The following GIT2 variants were observed in gnomAD, a reference collection of about 807,000 sequenced individuals.
The protein encoded by GIT2 is GIT ArfGAP 2.
In GIT2, 32 loss-of-function variants were observed where a neutral mutation model predicts 100.3. The observed-to-expected ratio is 0.32, with a 90% CI of 0.24 to 0.43. The LOEUF is 0.43. GIT2 is among the 20% of genes least tolerant of loss of function. The pLI is 1.00. For missense variants in GIT2, 737 were observed against 975.1 expected (o/e 0.76, Z 3.25); for synonymous variants, 353 against 364.1 (o/e 0.97, Z 0.35).
At chr12:109,957,009 C>T (rs1372196658) in intron 12 of GIT2, among the ~76,000 whole-genome samples, 4 of 148,964 alleles carry the variant, frequency 2.7e-5, no homozygotes, top group Admixed American at 2.0e-4. Flanking sequence ...CAGAGTGAGA[C>T]TCGTCTCAAA....
chr12:109,996,111 C>A, intron 1 of GIT2, 62 bp downstream of exon 1: 1 of 1,087,538 alleles, frequency 9.2e-7, no homozygotes, highest in East Asian at 3.1e-5. Context: ...GAGGGGGCGG[C>A]CCCGGGGTAG....
At chr12:109,997,951 C>T (rs1174703878), upstream of GIT2, 9 of 152,202 alleles carry the variant, frequency 5.9e-5, no homozygotes, top group Admixed American at 5.9e-4. Context: ...CTATGATCTC[C>T]ATTCAGCAAA....
rs1365470353 is a variant in GIT2, at chr12:109,961,679, T to C, written c.823A>G (p.Asn275Asp). 2 of 1,580,726 alleles carry C rather than the reference T, an allele frequency of 1.3e-6. No individual in the cohort carries two copies. Among genetic ancestry groups the C allele is most frequent in the South Asian group, 1.1e-5 (1 of 90,416 alleles). ...ATGGCAAGTTCTTCAAACAAATGAT[T>C]ACTTAGCTGAAAATAAAAAATATCA... ...AAKKKLQSLS[N>D]HLFEELAMDV... Residue 275 changes from asparagine to aspartate, a missense_variant, in exon 10 of 20, where the codon AAT becomes GAT. Physicochemically the swap from Asn to Asp is conservative, Grantham distance 23 (BLOSUM62 1). Around this residue, in one of 3 missense-constraint regions of GIT2, gnomAD observed 266 missense variants for 376.2 expected, o/e 0.71. Transcript: ENST00000355312.
At chr12:109,965,054 A>G (rs1881989792) in intron 9 of GIT2, among the ~76,000 whole-genome samples, 2 of 152,244 alleles carry the variant, frequency 1.3e-5, no homozygotes, top group South Asian at 4.1e-4. Flanking sequence ...AAATTTAAAA[A>G]GCACTGATGA....
chr12:109,963,860 C>G (rs2136431032), intron 9 of GIT2, among the ~76,000 whole-genome samples: 1 of 152,282 alleles, frequency 6.6e-6, no homozygotes, highest in Non-Finnish European at 1.5e-5. Flanking sequence ...GCAGCCCCTG[C>G]AGGATCCTTA....
chr12:109,958,849 A>G (rs539128469), intron 12 of GIT2, among the ~76,000 whole-genome samples: 3 of 152,352 alleles, frequency 2.0e-5, no homozygotes, highest in Non-Finnish European at 4.4e-5. Context: ...GAGGAAGGAC[A>G]TTCCTAAGCA....
intron 4 of GIT2, among the ~76,000 whole-genome samples, chr12:109,988,458 C>T (rs1199771400): frequency 6.6e-6 from 1 of 151,964 alleles, no homozygotes. Context: ...GGAAGGATTG[C>T]TAGAGCCTGG....
At chr12:109,964,715 G>C (rs1593051231) in intron 9 of GIT2, among the ~76,000 whole-genome samples, 1 of 151,162 alleles carries the variant, frequency 6.6e-6, no homozygotes, top group Admixed American at 6.6e-5. Context: ...TGAAAGGTGA[G>C]AGCTGAATGA....
chr12:109,978,818 C>T (rs918261503), intron 7 of GIT2, among the ~76,000 whole-genome samples: 7 of 152,174 alleles, frequency 4.6e-5, no homozygotes, highest in African/African-American at 7.2e-5. Context: ...TGTCTGATAA[C>T]GCCAACATTT....
intron 7 of GIT2, among the ~76,000 whole-genome samples, chr12:109,976,125 C>CACACACACAA (rs1884985621): frequency 6.6e-6 from 1 of 151,118 alleles, no homozygotes; most frequent in African/African-American, 2.4e-5. Flanking sequence ...CACACACAAA[C>CACACACACAA]ACACACACAC....
intron 6 of GIT2, chr12:109,982,372 T>C (rs1043556734): frequency 1.3e-5 from 2 of 152,234 alleles, no homozygotes; most frequent in African/African-American, 4.8e-5. Context: ...GAATCCCATA[T>C]GGTCTTGCCT....
chr12:109,974,456 G>T (rs1009450029), intron 7 of GIT2, among the ~76,000 whole-genome samples: 27 of 152,058 alleles, frequency 1.8e-4, no homozygotes, highest in African/African-American at 6.5e-4. Flanking sequence ...AACCCAGGAG[G>T]CAGAGGTTGC....
rs982342846 is a variant in GIT2, at chr12:109,989,920, C to A, written c.187-118G>T. ...ATAAACACTCATTTGTTAGGAATAT[C>A]ATTCATATCATTGTTTTCTGATTTG... On this transcript the variant is annotated intron_variant, in intron 2 of 19. Coordinates refer to ENST00000355312, the MANE Select transcript of GIT2 (RefSeq NM_057169.5). 13 of 668,978 alleles carry A rather than the reference C, an allele frequency of 1.9e-5. No homozygotes were observed. In the Admixed American group the frequency reaches 2.7e-4, roughly 14 times the overall value. The allele number at this position is 668,978 out of a possible 1,614,324, so 41.4% of individuals were successfully genotyped here. A position where few individuals can be genotyped will look rare whatever the true frequency, so the allele number is the denominator to read the frequency against.
At chr12:109,960,793 C>T (rs1880866701) in intron 11 of GIT2, among the ~76,000 whole-genome samples, 1 of 152,112 alleles carries the variant, frequency 6.6e-6, no homozygotes, top group African/African-American at 2.4e-5. Flanking sequence ...TTTATTAGAG[C>T]ATATTCTCAA....
At chr12:109,961,501 G>A (rs548309440) in intron 10 of GIT2, 112 bp downstream of exon 10, 61 of 931,514 alleles carry the variant, frequency 6.5e-5, no homozygotes, top group South Asian at 1.2e-4. Context: ...GGCAAACGTC[G>A]ACACTCGCAC....
Position 109,948,217 on chromosome 12 carries a change from T to G in GIT2, c.1393-713A>C, listed in dbSNP as rs1876866381. 1 of 985,496 alleles carries G rather than the reference T, an allele frequency of 1.0e-6. No individual in the cohort carries two copies. Among genetic ancestry groups the G allele is most frequent in the Admixed American group, 6.1e-5 (1 of 16,306 alleles). 61.0% of individuals were successfully genotyped at this position (985,496 alleles called of 1,614,324 possible). A position where few individuals can be genotyped will look rare whatever the true frequency, so the allele number is the denominator to read the frequency against. ...ACTGGAAACCTATTGATCTATGGAA[T>G]TGACATCTTCGCATGGATGCTCCAC... is the stretch of plus-strand genomic sequence containing the variant. On this transcript the variant is annotated intron_variant, in intron 14 of 19. Transcript: ENST00000355312. The surrounding 1 kb of genome is among the most constrained non-coding windows in gnomAD (Gnocchi z 4.3).
rs187524636 is a variant in GIT2 at position 109,991,808 on chromosome 12, A to G, written c.53-48T>C. Reference sequence around the variant, plus strand: ...GTGGCAGGGATACCAGCAGGTTGCTATACCGCCAGATGGCAAAAGATGACT... The same window carrying G: ...GTGGCAGGGATACCAGCAGGTTGCTGTACCGCCAGATGGCAAAAGATGACT... On this transcript the variant is annotated intron_variant, in intron 1 of 19. Coordinates refer to ENST00000355312, the MANE Select transcript of GIT2 (RefSeq NM_057169.5). The G allele has an allele frequency of 1.5e-4, 226 of 1,543,448 alleles. 2 individuals carry two copies. The East Asian group carries it at 5.0e-3, about 34-fold the overall frequency.
intron 11 of GIT2, 91 bp downstream of exon 11, chr12:109,961,187 T>C: frequency 1.4e-6 from 1 of 739,670 alleles, no homozygotes; most frequent in Non-Finnish European, 2.4e-6. Context: ...TTTTAATCAA[T>C]CAAAACATTT....
At chr12:109,996,707 C>T (rs889162114), upstream of GIT2, among the ~76,000 whole-genome samples, 1 of 152,216 alleles carries the variant, frequency 6.6e-6, no homozygotes, top group Admixed American at 6.5e-5. Flanking sequence ...ACTGGAGAAA[C>T]AGCAGTGAGC....
Sources: allele counts gnomAD v4.1 joint callset (sites outside exome capture counted in the v4.1 genomes callset), GRCh38; gene constraint gnomAD v4.1.1; regional missense constraint gnomAD v4.1.1; non-coding constraint Gnocchi (gnomAD v3.1); transcripts MANE v1.5; gene names NCBI Gene and HGNC (gene_info 2026-07-23, HGNC 2026-07-21).